The following TULP3 variants were observed in gnomAD, a reference collection of about 807,000 sequenced individuals.
The protein encoded by TULP3 is TUB like protein 3.
TULP3 carries 38 observed loss-of-function variants against 50.7 expected under a neutral mutation model. The ratio of observed to expected loss-of-function variants is 0.75; its 90% CI spans 0.58 to 0.98. TULP3 has a LOEUF of 0.98. Among genes scored for constraint, TULP3 ranks in the 50% least tolerant of loss-of-function variants. The pLI is 0.00. For synonymous variants in TULP3, 183 were observed against 196.6 expected (o/e 0.93, Z 0.58); for missense variants, 550 against 568.0 (o/e 0.97, Z 0.32).
chr12:2,905,084 C>CAAA (rs10666277), intron 1 of TULP3, among the ~76,000 whole-genome samples: 61,698 of 141,236 alleles, frequency 0.44, 13,302 homozygotes, highest in East Asian at 0.55. Context: ...GACTCTGTCT[C>CAAA]AAAAAAAAAA....
chr12:2,904,029 G>A (rs575169376), intron 1 of TULP3, among the ~76,000 whole-genome samples: 23 of 152,170 alleles, frequency 1.5e-4, no homozygotes, highest in Non-Finnish European at 2.1e-4. Flanking sequence ...TGATCCGCCC[G>A]CCTTGGCCTC....
In TULP3 at chr12:2,939,191, A is replaced by T; in HGVS notation, c.1196-120A>T. Reference sequence around the variant, plus strand: ...GGCTGCAGTGAGCTGTGGTCATTCCACTAGGCTCCAGCCAGGGCGACAGAG... The same window carrying T: ...GGCTGCAGTGAGCTGTGGTCATTCCTCTAGGCTCCAGCCAGGGCGACAGAG... On this transcript the variant is annotated intron_variant, in intron 10 of 10. Transcript: ENST00000448120. This position sits in a 1 kb window ranked among gnomAD's most constrained non-coding sequence, Gnocchi z 4.0. 1 of 1,135,582 alleles carries T rather than the reference A, an allele frequency of 8.8e-7. No homozygotes were observed. The highest frequency in any genetic ancestry group is 1.3e-6 in the Non-Finnish European group (1 of 790,636). The allele number at this position is 1,135,582 out of a possible 1,614,324, so 70.3% of individuals were successfully genotyped here.
intron 2 of TULP3, among the ~76,000 whole-genome samples, chr12:2,912,785 CAG>C (rs962433240): frequency 1.3e-5 from 2 of 152,128 alleles, no homozygotes; most frequent in African/African-American, 4.8e-5. Context: ...TATTCGAAAT[CAG>C]AGCAGGTAGA....
intron 6 of TULP3, among the ~76,000 whole-genome samples, chr12:2,931,882 A>C (rs180773668): frequency 1.3e-5 from 2 of 152,286 alleles, no homozygotes; most frequent in East Asian, 3.9e-4. Context: ...TAATCCTTGC[A>C]GCCACCTTGT....
intron 1 of TULP3, among the ~76,000 whole-genome samples, chr12:2,906,908 C>G (rs1352329788): frequency 6.6e-6 from 1 of 150,984 alleles, no homozygotes; most frequent in Non-Finnish European, 1.5e-5. Flanking sequence ...AAGAGTGAAC[C>G]CTTCATCTCA....
intron 2 of TULP3, among the ~76,000 whole-genome samples, chr12:2,914,105 G>A: frequency 6.7e-6 from 1 of 149,832 alleles, no homozygotes; most frequent in Non-Finnish European, 1.5e-5. Context: ...TAGCTATTTT[G>A]AAATATACAA....
intron 1 of TULP3, among the ~76,000 whole-genome samples, chr12:2,894,678 G>A (rs2098174426): frequency 6.6e-6 from 1 of 152,056 alleles, no homozygotes. Context: ...GGCAGATCAC[G>A]AGGTCAGGAG....
At chr12:2,930,414 A>C in intron 5 of TULP3, 69 bp downstream of exon 5, 1 of 1,004,524 alleles carries the variant, frequency 1.0e-6, no homozygotes, top group Non-Finnish European at 1.4e-6. Flanking sequence ...TTCAGTATTT[A>C]TTTATTTATT....
At chr12:2,893,334 T>TTTG in intron 1 of TULP3, among the ~76,000 whole-genome samples, 1 of 150,462 alleles carries the variant, frequency 6.6e-6, no homozygotes, top group South Asian at 2.1e-4. Flanking sequence ...TGTGTTTTTT[T>TTTG]TTTTTTTTTT....
chr12:2,922,193 G>T (rs182192433), intron 3 of TULP3, 69 bp from the exon 4 acceptor site: 6 of 1,549,830 alleles, frequency 3.9e-6, no homozygotes, highest in African/African-American at 1.4e-5. Flanking sequence ...GATCACATAT[G>T]CCAAATCTAC....
At chr12:2,920,983 C>G (rs2098191355) in intron 3 of TULP3, 61 bp downstream of exon 3, 9 of 1,594,744 alleles carry the variant, frequency 5.6e-6, no homozygotes, top group Non-Finnish European at 6.9e-6. Context: ...CTAGAAGGCA[C>G]GAGGATTGTC....
At chr12:2,931,486 T>A (rs2098198031) in intron 6 of TULP3, among the ~76,000 whole-genome samples, 2 of 152,244 alleles carry the variant, frequency 1.3e-5, no homozygotes, top group Non-Finnish European at 2.9e-5. Flanking sequence ...GACGGGTAGT[T>A]GTTAATGTAA....
intron 8 of TULP3, 119 bp from the exon 9 acceptor site, chr12:2,937,512 G>A (rs562301475): frequency 2.6e-5 from 20 of 774,606 alleles, no homozygotes; most frequent in South Asian, 2.3e-4. Context: ...CCACTGCCCC[G>A]GCTGATACAG....
At chr12:2,928,252 C>T (rs1191035890) in intron 4 of TULP3, among the ~76,000 whole-genome samples, 3 of 152,172 alleles carry the variant, frequency 2.0e-5, no homozygotes, top group Non-Finnish European at 4.4e-5. Flanking sequence ...GCCAGGGGGC[C>T]AGCCATGGTG....
chr12:2,900,367 TTGCC>T (rs1324463048), intron 1 of TULP3, among the ~76,000 whole-genome samples: 1 of 152,238 alleles, frequency 6.6e-6, no homozygotes, highest in Non-Finnish European at 1.5e-5. Flanking sequence ...ATTGGAAATG[TTGCC>T]TGCAGTAACC....
intron 5 of TULP3, 89 bp from the exon 6 acceptor site, chr12:2,930,948 C>T: frequency 1.4e-6 from 2 of 1,410,162 alleles, no homozygotes; most frequent in Non-Finnish European, 2.0e-6. Flanking sequence ...GGGTAAATTA[C>T]TAAGTTGCTT....
intron 4 of TULP3, among the ~76,000 whole-genome samples, chr12:2,922,855 A>ATTTTT (rs373807687): frequency 0.022 from 2,986 of 136,756 alleles, 132 homozygotes; most frequent in African/African-American, 0.061. Flanking sequence ...TAGAAAAATA[A>ATTTTT]TTTTTTTTTT....
At chr12:2,894,079 G>C (rs1304208077) in intron 1 of TULP3, among the ~76,000 whole-genome samples, 1 of 152,086 alleles carries the variant, frequency 6.6e-6, no homozygotes, top group South Asian at 2.1e-4. Flanking sequence ...GCTGGAACTT[G>C]AGCCCTATCT....
intron 5 of TULP3, 75 bp downstream of exon 5, chr12:2,930,420 T>G: frequency 1.0e-6 from 1 of 970,344 alleles, no homozygotes; most frequent in Non-Finnish European, 1.5e-6. Flanking sequence ...ATTTATTTAT[T>G]TATTATTATT....
Sources: allele counts gnomAD v4.1 joint callset (sites outside exome capture counted in the v4.1 genomes callset), GRCh38; gene constraint gnomAD v4.1.1; non-coding constraint Gnocchi (gnomAD v3.1); transcripts MANE v1.5; gene names NCBI Gene and HGNC (gene_info 2026-07-23, HGNC 2026-07-21).